CCSER1: variants seen among roughly 807,000 people sequenced by gnomAD.
CCSER1 encodes serine-rich coiled-coil domain-containing protein 1.
Under a neutral mutation model 82.0 loss-of-function variants are expected in CCSER1, and 41 were observed. The observed-to-expected ratio is 0.50, with a 90% CI of 0.39 to 0.65. CCSER1 has a LOEUF of 0.65. Ranked by LOEUF, CCSER1 falls within the 30% of genes least tolerant of loss-of-function variation. CCSER1 has a pLI of 0.00. For synonymous variants in CCSER1, 414 were observed against 383.9 expected (o/e 1.08, Z -0.92); for missense variants, 1,119 against 1,064.2 (o/e 1.05, Z -0.72).
intron 10 of CCSER1, among the ~76,000 whole-genome samples, chr4:91,546,972 C>CT (rs70937013): frequency 0.5 from 66,298 of 133,352 alleles, 16,142 homozygotes; most frequent in East Asian, 0.61. Context: ...CTTGAGTTTT[C>CT]TTTTTTTTTT....
intron 9 of CCSER1, among the ~76,000 whole-genome samples, chr4:90,955,538 T>C (rs573682436): frequency 2.0e-4 from 31 of 152,296 alleles, no homozygotes; most frequent in Non-Finnish European, 1.5e-5. Context: ...AATATTTAAG[T>C]AGTATATTGG....
At chr4:90,823,735 CT>C (rs1760077944) in intron 8 of CCSER1, among the ~76,000 whole-genome samples, 1 of 151,718 alleles carries the variant, frequency 6.6e-6, no homozygotes, top group Non-Finnish European at 1.5e-5. Flanking sequence ...CAAAACTGAA[CT>C]TTATTTTTTA....
chr4:91,269,158 T>C (rs1310719426), intron 10 of CCSER1, among the ~76,000 whole-genome samples: 1 of 152,226 alleles, frequency 6.6e-6, no homozygotes, highest in East Asian at 1.9e-4. Flanking sequence ...AAGCAACAGA[T>C]TGAAGGCATG....
intron 1 of CCSER1, among the ~76,000 whole-genome samples, chr4:90,163,444 T>G (rs1208333148): frequency 6.6e-6 from 1 of 152,150 alleles, no homozygotes; most frequent in African/African-American, 2.4e-5. Context: ...AATTTTTACA[T>G]TTTTACTTTT....
chr4:90,835,085 A>G (rs1761617739), intron 8 of CCSER1, among the ~76,000 whole-genome samples: 1 of 152,180 alleles, frequency 6.6e-6, no homozygotes, highest in African/African-American at 2.4e-5. Flanking sequence ...TAATCCCAGC[A>G]CTTTGGGAGG....
intron 10 of CCSER1, among the ~76,000 whole-genome samples, chr4:91,289,977 G>T (rs1743622447): frequency 6.6e-6 from 1 of 151,874 alleles, no homozygotes; most frequent in Non-Finnish European, 1.5e-5. Flanking sequence ...ATCTGAAGAG[G>T]GAGAAATACA....
At chr4:91,470,720 A>G (rs914188179) in intron 10 of CCSER1, among the ~76,000 whole-genome samples, 3 of 152,184 alleles carry the variant, frequency 2.0e-5, no homozygotes, top group African/African-American at 7.2e-5. Flanking sequence ...TTAATAAGCC[A>G]TATCTGCTAT....
At position 91,278,654 on chromosome 4, in the gene CCSER1, T is replaced by G. The variant is rs1291042352; in HGVS notation, c.2217+192660T>G. ...TTTGCCTTTAGCCAGTCTATATCTT[T>G]TAAGTGGAAAGTTTAATCCATTTAC... On this transcript the variant is annotated intron_variant, in intron 10 of 10. Transcript: ENST00000509176. Among the ~76,000 whole-genome samples, 6 of 152,156 alleles carry G rather than the reference T, an allele frequency of 3.9e-5. 1 individual carries two copies. Among genetic ancestry groups the G allele is most frequent in the African/African-American group, 1.4e-4 (6 of 41,446 alleles).
intron 5 of CCSER1, among the ~76,000 whole-genome samples, chr4:90,521,249 G>C (rs2153624797): frequency 6.6e-6 from 1 of 152,152 alleles, no homozygotes; most frequent in South Asian, 2.1e-4. Context: ...ATCCTTTAGT[G>C]AAAAAACCCT....
chr4:90,490,935 T>C, intron 5 of CCSER1, among the ~76,000 whole-genome samples: 1 of 152,156 alleles, frequency 6.6e-6, no homozygotes. Context: ...CCTTGTAGTA[T>C]AGTTTGAAGT....
intron 10 of CCSER1, among the ~76,000 whole-genome samples, chr4:91,520,540 TGAAAA>T (rs1214996533): frequency 6.6e-6 from 1 of 152,192 alleles, no homozygotes; most frequent in African/African-American, 2.4e-5. Flanking sequence ...AACTTACATA[TGAAAA>T]GAAAAGGTTT....
chr4:90,903,836 C>CAAA (rs34799713), intron 8 of CCSER1, among the ~76,000 whole-genome samples: 1,386 of 121,330 alleles, frequency 0.011, 22 homozygotes, highest in African/African-American at 0.035. Flanking sequence ...TACTCTGTCT[C>CAAA]AAAAAAAAAA....
chr4:91,173,689 C>T lies in CCSER1; in HGVS notation c.2217+87695C>T, dbSNP rs1196388358. 4.6e-5 allele frequency among the ~76,000 whole-genome samples: 7 copies of T among 151,738 alleles called. No homozygotes were observed. The East Asian group carries it at 1.4e-3, about 29-fold the overall frequency. ...CAGGAAAAGACTGGAGTATGCATGT[C>T]ACTACTCTCTCCAGGAAGCCTGGAA... On this transcript the variant is annotated intron_variant, in intron 10 of 10. Coordinates refer to ENST00000509176, the MANE Select transcript of CCSER1 (RefSeq NM_001145065.2).
chr4:90,886,630 ACTAGATTTTCTTATTTAATC>A (rs1722162383), intron 8 of CCSER1, among the ~76,000 whole-genome samples: 1 of 152,224 alleles, frequency 6.6e-6, no homozygotes, highest in Non-Finnish European at 1.5e-5. Context: ...TTTATAATGT[ACTAGATTTTCTTATTTAATC>A]CTCAGAACAG....
At chr4:90,226,044 A>T (rs1042510740) in intron 1 of CCSER1, among the ~76,000 whole-genome samples, 2 of 152,166 alleles carry the variant, frequency 1.3e-5, no homozygotes, top group African/African-American at 2.4e-5. Context: ...TGGCTACCCT[A>T]TTAGAGATGC....
chr4:90,536,447 A>G lies in CCSER1; in HGVS notation c.1724+68093A>G, dbSNP rs80333824. ...TAAGTGTATATACTGTAATTGAGAA[A>G]AACATACTCATGGCTCATCCATGTT... On this transcript the variant is annotated intron_variant, in intron 5 of 10. Coordinates refer to ENST00000509176, the MANE Select transcript of CCSER1 (RefSeq NM_001145065.2). 3.6e-3 allele frequency among the ~76,000 whole-genome samples: 541 copies of G among 152,322 alleles called. 3 individuals are homozygous for G. Among genetic ancestry groups the G allele is most frequent in the South Asian group, 0.029 (140 of 4,828 alleles).
At chr4:90,640,514 C>T (rs1345291278) in intron 6 of CCSER1, among the ~76,000 whole-genome samples, 1 of 152,088 alleles carries the variant, frequency 6.6e-6, no homozygotes, top group Non-Finnish European at 1.5e-5. Flanking sequence ...TTACTTAATA[C>T]TGCAGAATAA....
intron 8 of CCSER1, among the ~76,000 whole-genome samples, chr4:90,895,346 T>C (rs867543080): frequency 3.3e-5 from 5 of 152,040 alleles, no homozygotes; most frequent in Middle Eastern, 3.4e-3. Context: ...TATATTTTTA[T>C]CAGCAAAATA....
At chr4:91,302,277 G>GT (rs1373090191) in intron 10 of CCSER1, among the ~76,000 whole-genome samples, 1 of 151,954 alleles carries the variant, frequency 6.6e-6, no homozygotes, top group South Asian at 2.1e-4. Flanking sequence ...ATAGCTACCT[G>GT]TTTTCACGCC....
Sources: allele counts gnomAD v4.1 joint callset (sites outside exome capture counted in the v4.1 genomes callset), GRCh38; gene constraint gnomAD v4.1.1; transcripts MANE v1.5; gene names NCBI Gene and HGNC (gene_info 2026-07-23, HGNC 2026-07-21).